SERINC5: variants seen among roughly 807,000 people sequenced by gnomAD.
SERINC5 encodes chromosome 5 open reading frame 12.
A neutral mutation model predicts 63.1 loss-of-function variants in SERINC5; 41 were observed. The ratio of observed to expected loss-of-function variants is 0.65; its 90% confidence interval spans 0.51 to 0.84. The LOEUF (loss-of-function observed/expected upper bound fraction) is 0.84, where lower values mean the gene tolerates loss of function less well. SERINC5 is among the 40% of genes least tolerant of loss of function. The probability of loss-of-function intolerance (pLI) is 0.00; values close to 1 mark genes in which losing one functional copy is unlikely to be tolerated. For missense variants in SERINC5, 523 were observed against 573.0 expected, an observed-to-expected ratio of 0.91 and a Z score of 0.89; for synonymous variants, 222 against 215.2, an observed-to-expected ratio of 1.03 and a Z score of -0.28.
chr5:80,118,204 A>G (rs1422223462), intron 11 of SERINC5, among the ~76,000 whole-genome samples: 1 of 151,476 alleles, frequency 6.6e-6, no homozygotes. Flanking sequence ...CTCCACCTCA[A>G]AAAAAAAATA....
At chr5:80,155,569 T>C (rs1231141992) in intron 8 of SERINC5, among the ~76,000 whole-genome samples, 1 of 63,998 alleles carries the variant, frequency 1.6e-5, no homozygotes, top group Non-Finnish European at 2.9e-5. Context: ...CAAAACTCCG[T>C]CTCAAAAAAA....
chr5:80,161,845 G>GT (rs1445550021), intron 7 of SERINC5, among the ~76,000 whole-genome samples: 4 of 152,120 alleles, frequency 2.6e-5, no homozygotes, highest in African/African-American at 9.7e-5. Flanking sequence ...GGTCTTACAT[G>GT]TAAGTCTTTA....
intron 1 of SERINC5, among the ~76,000 whole-genome samples, chr5:80,254,083 A>G (rs1054650411): frequency 2.6e-5 from 4 of 151,948 alleles, no homozygotes; most frequent in Non-Finnish European, 4.4e-5. Flanking sequence ...GCGTCATCAC[A>G]CCCGGCAATT....
At chr5:80,178,417 T>C (rs1235179214) in intron 2 of SERINC5, among the ~76,000 whole-genome samples, 1 of 138,852 alleles carries the variant, frequency 7.2e-6, no homozygotes, top group Non-Finnish European at 1.5e-5. Flanking sequence ...GCCTAGAGTT[T>C]AGTGGCACAA....
chr5:80,142,091 C>T lies in SERINC5; in HGVS notation c.*1572G>A, dbSNP rs1001292939. ...ACAGAAAAAAATGACTAGGCTGAGC[C>T]TTTTATTCTTAGATCCTCACTTACA... On this transcript the variant is annotated 3_prime_UTR_variant, in exon 12 of 12. Transcript: ENST00000507668. The T allele has an allele frequency of 3.0e-6, 3 of 985,398 alleles. No homozygotes were observed. The African/African-American group carries it at 5.2e-5, about 17-fold the overall frequency. The allele number at this position is 985,398 out of a possible 1,614,324, so 61.0% of individuals were successfully genotyped here.
chr5:80,137,160 A>AAAAAAC (rs1745227866), downstream of SERINC5, among the ~76,000 whole-genome samples: 1 of 96,718 alleles, frequency 1.0e-5, no homozygotes, highest in African/African-American at 3.4e-5. Context: ...AAAAAAAAAA[A>AAAAAAC]AAACAAAAAA....
At chr5:80,202,507 G>A (rs1749907568) in intron 2 of SERINC5, among the ~76,000 whole-genome samples, 2 of 152,056 alleles carry the variant, frequency 1.3e-5, no homozygotes, top group African/African-American at 4.8e-5. Flanking sequence ...TGGGTACAAC[G>A]TGTGTTATTC....
At chr5:80,159,699 A>G (rs1205933113) in intron 7 of SERINC5, among the ~76,000 whole-genome samples, 1 of 152,112 alleles carries the variant, frequency 6.6e-6, no homozygotes, top group Non-Finnish European at 1.5e-5. Flanking sequence ...ATGGTAGTTG[A>G]TCACCAAGGG....
At chr5:80,133,730 A>G (rs1489727080), downstream of SERINC5, among the ~76,000 whole-genome samples, 1 of 152,208 alleles carries the variant, frequency 6.6e-6, no homozygotes, top group Non-Finnish European at 1.5e-5. Context: ...TACAATAAAG[A>G]GTTTAATCCA....
Position 80,218,744 on chromosome 5 carries a change from T to C in SERINC5, c.28-15691A>G, listed in dbSNP as rs1580182011. ...TGCTATGGTAATGCCCACCCCCGAC[T>C]ACCTCCCTTCCTGCGCTTCTGAGAA... On this transcript the variant is annotated intron_variant, in intron 1 of 11. Coordinates refer to ENST00000507668, the MANE Select transcript of SERINC5 (RefSeq NM_001174072.3). Among the ~76,000 whole-genome samples the C allele has an allele frequency of 2.0e-5, 3 of 150,254 alleles. No homozygotes were observed. In the East Asian group the frequency reaches 5.9e-4, roughly 29 times the overall value.
chr5:80,199,865 T>TG (rs1749722449), intron 2 of SERINC5, among the ~76,000 whole-genome samples: 1 of 152,148 alleles, frequency 6.6e-6, no homozygotes, highest in Non-Finnish European at 1.5e-5. Context: ...GCCACCTTAA[T>TG]GGATTTAGAA....
At chr5:80,198,978 C>A (rs982112512) in intron 2 of SERINC5, among the ~76,000 whole-genome samples, 5 of 152,202 alleles carry the variant, frequency 3.3e-5, no homozygotes, top group Admixed American at 2.0e-4. Context: ...GTAAGTCACC[C>A]TGTGCCCACT....
intron 12 of SERINC5, among the ~76,000 whole-genome samples, chr5:80,112,064 C>T (rs1347962452): frequency 6.6e-6 from 1 of 152,226 alleles, no homozygotes; most frequent in Non-Finnish European, 1.5e-5. Context: ...AGTTCCTCCC[C>T]ACTGAGACAG....
chr5:80,247,375 C>T (rs946169869), intron 1 of SERINC5, among the ~76,000 whole-genome samples: 5 of 151,942 alleles, frequency 3.3e-5, no homozygotes, highest in Admixed American at 2.0e-4. Context: ...AAAACGAGGG[C>T]GGAAAGCAAG....
At chr5:80,242,760 A>AT (rs1277007682) in intron 1 of SERINC5, among the ~76,000 whole-genome samples, 2 of 152,062 alleles carry the variant, frequency 1.3e-5, no homozygotes, top group Non-Finnish European at 2.9e-5. Flanking sequence ...AAAAAAATAT[A>AT]TAACATAAAA....
chr5:80,174,965 C>T lies in SERINC5; in HGVS notation c.540G>A (p.Trp180Ter), dbSNP rs1314604218. ...ATAAAGGCACACACCAGTTCTTGTT[C>T]CACTTATGTGCAAACTCCACGAGCA... ...LLLLVEFAHK[W>*]NKNWTAGTAS... The change falls in exon 5 of 12, where the codon TGG becomes TGA. Residue 180 changes from tryptophan to a stop codon, truncating the protein, a stop_gained. Coordinates refer to ENST00000507668, the MANE Select transcript of SERINC5 (RefSeq NM_001174072.3). LOFTEE classifies it high-confidence loss of function. 1 of 1,597,626 alleles carries T rather than the reference C, an allele frequency of 6.3e-7. No individual in the cohort carries two copies. The highest frequency in any genetic ancestry group is 1.1e-5 in the South Asian group (1 of 87,994).
intron 1 of SERINC5, among the ~76,000 whole-genome samples, chr5:80,216,799 C>G (rs1750687970): frequency 6.6e-6 from 1 of 151,836 alleles, no homozygotes. Flanking sequence ...TCGCTTGAGT[C>G]CAGGAGTTTG....
Position 80,202,906 on chromosome 5 carries a change from C to G in SERINC5, c.175G>C (p.Ala59Pro). The G allele has an allele frequency of 6.2e-7, 1 of 1,610,602 alleles. No homozygotes were observed. Among genetic ancestry groups the G allele is most frequent in the South Asian group, 1.1e-5 (1 of 90,902 alleles). Residue 59 changes from alanine (A) to proline (P), a missense_variant, in exon 2 of 12, where the codon GCT becomes CCT. Physicochemically the swap from Ala to Pro is conservative, Grantham distance 27 (BLOSUM62 -1). Coordinates refer to ENST00000507668, the MANE Select transcript of SERINC5 (RefSeq NM_001174072.3). Reference protein sequence around the residue: ...LCCIMMSTTVAHKMKEHIPFF... With the variant: ...LCCIMMSTTVPHKMKEHIPFF... ...CTTACGTGCTCTTTCATCTTGTGAGCCACGGTTGTTGACATCATGATGCAG... is the reference window on the plus strand; with the variant it reads ...CTTACGTGCTCTTTCATCTTGTGAGGCACGGTTGTTGACATCATGATGCAG...
chr5:80,208,679 T>C (rs1750289553), intron 1 of SERINC5, among the ~76,000 whole-genome samples: 1 of 151,848 alleles, frequency 6.6e-6, no homozygotes, highest in African/African-American at 2.4e-5. Flanking sequence ...CAAAAGGGAG[T>C]CCAACAACAT....
Sources: gnomAD v4.1 joint callset for allele counts (sites outside exome capture counted in the v4.1 genomes callset) on GRCh38, gnomAD v4.1.1 for gene constraint, MANE v1.5 for transcripts, NCBI Gene and HGNC (gene_info 2026-07-23, HGNC 2026-07-21) for gene names.